The following TCERG1 variants were observed in gnomAD, a reference collection of about 807,000 sequenced individuals.
TCERG1 encodes the protein TATA box binding protein (TBP)-associated factor, RNA polymerase II, S, 150kD.
TCERG1 carries 37 observed loss-of-function variants against 144.7 expected under a neutral mutation model. The ratio of observed to expected loss-of-function variants is 0.26; its 90% confidence interval spans 0.20 to 0.34. The LOEUF (loss-of-function observed/expected upper bound fraction) is 0.34. Among genes scored for constraint, TCERG1 ranks in the 10% least tolerant of loss-of-function variants. The pLI is 1.00. For synonymous variants in TCERG1, 492 were observed against 458.2 expected (o/e 1.07, Z -0.94); for missense variants, 1,027 against 1,380.7 (o/e 0.74, Z 4.06).
intron 17 of TCERG1, among the ~76,000 whole-genome samples, chr5:146,500,171 G>C (rs1767299452): frequency 6.7e-6 from 1 of 150,006 alleles, no homozygotes; most frequent in Non-Finnish European, 1.5e-5. Flanking sequence ...ACCATTACTA[G>C]ATTAAAAAAA....
In TCERG1 at chr5:146,470,726, A is replaced by G; in HGVS notation, c.1490A>G (p.Glu497Gly). 1 of 1,613,364 alleles carries G rather than the reference A, an allele frequency of 6.2e-7. No individual in the cohort carries two copies. The highest frequency in any genetic ancestry group is 8.5e-7 in the Non-Finnish European group (1 of 1,179,774). The change falls in exon 8 of 23, where the codon GAG (glutamate) becomes GGG (glycine). Residue 497 changes from glutamate (E) to glycine (G), a missense_variant. Coordinates refer to ENST00000679501, the MANE Select transcript of TCERG1 (RefSeq NM_001382548.1). ...METEEEDPKE[E>G]PIKEIKEEPK... Reference sequence around the variant, plus strand: ...ACGGAGGAGGAGGATCCTAAAGAAGAGCCTATAAAGGAGATAAAGGAGGTA... The same window carrying G: ...ACGGAGGAGGAGGATCCTAAAGAAGGGCCTATAAAGGAGATAAAGGAGGTA...
At chr5:146,506,906 A>G in intron 19 of TCERG1, 122 bp from the exon 20 acceptor site, 1 of 718,768 alleles carries the variant, frequency 1.4e-6, no homozygotes, top group Non-Finnish European at 2.1e-6. Context: ...GTATCTGTTG[A>G]TAGACACTTA....
At chr5:146,459,800 A>G (rs1763180159) in intron 4 of TCERG1, among the ~76,000 whole-genome samples, 1 of 152,230 alleles carries the variant, frequency 6.6e-6, no homozygotes, top group Non-Finnish European at 1.5e-5. Flanking sequence ...CATGAAGGAA[A>G]CGGAGTAGGG....
At position 146,493,050 on chromosome 5, in the gene TCERG1, G is replaced by A. The variant is rs757860222; in HGVS notation, c.2282+12G>A. On this transcript the variant is annotated intron_variant, in intron 16 of 22. Transcript: ENST00000679501. ...AAATTTAATCCAAGGTATGTGGTTT[G>A]TTTCTCTTAAATATCAAAGTGTATT... The A allele has an allele frequency of 1.3e-6, 2 of 1,519,366 alleles. No individual in the cohort carries two copies. Among genetic ancestry groups the A allele is most frequent in the African/African-American group, 1.4e-5 (1 of 71,618 alleles). 94.1% of individuals were successfully genotyped at this position (1,519,366 alleles called of 1,614,324 possible).
At chr5:146,470,614 A>G in intron 7 of TCERG1, 22 bp from the exon 8 acceptor site, 1 of 1,577,842 alleles carries the variant, frequency 6.3e-7, no homozygotes, top group Non-Finnish European at 8.6e-7. Context: ...TTTGAGTGAC[A>G]TTATCTTAAT....
intron 17 of TCERG1, among the ~76,000 whole-genome samples, chr5:146,502,262 G>A (rs1767548972): frequency 6.6e-6 from 1 of 152,122 alleles, no homozygotes; most frequent in Non-Finnish European, 1.5e-5. Flanking sequence ...CAGAAGGAAT[G>A]ATTCATATAT....
intron 4 of TCERG1, among the ~76,000 whole-genome samples, 187 bp from the exon 5 acceptor site, chr5:146,463,364 T>G (rs1763504465): frequency 6.6e-6 from 1 of 152,210 alleles, no homozygotes; most frequent in Admixed American, 6.5e-5. Context: ...CATTTTACTT[T>G]GTATTCATTT....
chr5:146,470,783 A>G, intron 8 of TCERG1, 35 bp downstream of exon 8: 6 of 1,487,786 alleles, frequency 4.0e-6, no homozygotes, highest in Admixed American at 2.1e-5. Flanking sequence ...TGGGAGCCAC[A>G]TTAATTGTTT....
intron 16 of TCERG1, among the ~76,000 whole-genome samples, chr5:146,495,460 A>G (rs1050846557): frequency 6.6e-6 from 1 of 152,214 alleles, no homozygotes; most frequent in East Asian, 1.9e-4. Context: ...TTTCTGGAAT[A>G]TACATTTTTA....
rs1417965197 is a variant in TCERG1 at position 146,461,224 on chromosome 5, T to C, written c.892+1887T>C. ...GGACTTTATTCCCAGAAATATAATA[T>C]AGCAAAATCATATTCTTTTTACTGC... On this transcript the variant is annotated intron_variant, in intron 4 of 22. Transcript: ENST00000679501. Among the ~76,000 whole-genome samples, 5 of 151,872 alleles carry C rather than the reference T, an allele frequency of 3.3e-5. No homozygotes were observed. The East Asian group carries it at 9.6e-4, about 29-fold the overall frequency.
At chr5:146,485,684 T>C (rs1212917343) in intron 15 of TCERG1, among the ~76,000 whole-genome samples, 1 of 152,138 alleles carries the variant, frequency 6.6e-6, no homozygotes, top group East Asian at 1.9e-4. Flanking sequence ...ATTTATTTAT[T>C]TATTTATTTT....
chr5:146,485,389 A>G (rs1185191221), intron 15 of TCERG1, among the ~76,000 whole-genome samples: 1 of 152,184 alleles, frequency 6.6e-6, no homozygotes, highest in African/African-American at 2.4e-5. Context: ...TATAAATTGT[A>G]TGAGGCTAGA....
intron 5 of TCERG1, among the ~76,000 whole-genome samples, chr5:146,466,759 C>G (rs899457371): frequency 6.6e-6 from 1 of 152,124 alleles, no homozygotes; most frequent in South Asian, 2.1e-4. Context: ...AAGAGTTCTG[C>G]GAGCCCAACT....
chr5:146,473,442 A>G (rs530558468), intron 9 of TCERG1, among the ~76,000 whole-genome samples: 243 of 152,338 alleles, frequency 1.6e-3, no homozygotes, highest in African/African-American at 5.7e-3. Context: ...AGCTGTAGCA[A>G]GTTATCCAGA....
intron 15 of TCERG1, among the ~76,000 whole-genome samples, chr5:146,486,586 G>A (rs1440598218): frequency 6.6e-6 from 1 of 152,102 alleles, no homozygotes; most frequent in Non-Finnish European, 1.5e-5. Flanking sequence ...TCTAAGAACT[G>A]GAAGAAGACA....
At chr5:146,492,790 C>T in intron 15 of TCERG1, 130 bp from the exon 16 acceptor site, 1 of 607,804 alleles carries the variant, frequency 1.6e-6, no homozygotes, top group East Asian at 3.2e-5. Flanking sequence ...TATAGATTAT[C>T]TGTGTATAAT....
rs1764103212 is a variant in TCERG1 at position 146,469,578 on chromosome 5, C to G, written c.1233C>G (p.Pro411=). Residue 411 remains proline, a synonymous_variant, in exon 7 of 23, where the codon CCC becomes CCG. Coordinates refer to ENST00000679501, the MANE Select transcript of TCERG1 (RefSeq NM_001382548.1). The part of the protein sequence containing the change: ...VLPGMAPPIV[P]MIHPQVAIAA... ...CAGGAATGGCCCCTCCTATCGTACC[C>G]ATGATACATCCCCAGGTTGCTATTG... The G allele has an allele frequency of 1.9e-6, 3 of 1,612,190 alleles. No individual in the cohort carries two copies. The highest frequency in any genetic ancestry group is 1.7e-6 in the Non-Finnish European group (2 of 1,179,090).
At chr5:146,449,543 A>C (rs1762177939) in intron 1 of TCERG1, among the ~76,000 whole-genome samples, 1 of 152,170 alleles carries the variant, frequency 6.6e-6, no homozygotes, top group South Asian at 2.1e-4. Context: ...TTGCCCCCAT[A>C]TATCGGTAGC....
intron 5 of TCERG1, among the ~76,000 whole-genome samples, chr5:146,466,661 C>G (rs1183452293): frequency 6.6e-6 from 1 of 152,070 alleles, no homozygotes. Context: ...TGCATGTAAT[C>G]ACTTTGAGAG....
Sources: gnomAD v4.1 joint callset for allele counts (sites outside exome capture counted in the v4.1 genomes callset) on GRCh38, gnomAD v4.1.1 for gene constraint, MANE v1.5 for transcripts, NCBI Gene and HGNC (gene_info 2026-07-23, HGNC 2026-07-21) for gene names.